The following DNAJC2 variants were observed in gnomAD, a reference collection of about 807,000 sequenced individuals.
DNAJC2 encodes dnaJ homolog subfamily C member 2.
A neutral mutation model predicts 94.0 loss-of-function variants in DNAJC2; 32 were observed. The observed-to-expected ratio is 0.34, with a 90% CI of 0.26 to 0.46. The LOEUF (loss-of-function observed/expected upper bound fraction) is 0.46, where lower values mean the gene tolerates loss of function less well. Among genes scored for constraint, DNAJC2 ranks in the 20% least tolerant of loss-of-function variants. The pLI, the probability that DNAJC2 is intolerant of heterozygous loss-of-function variation, is 1.00. For synonymous variants in DNAJC2, 210 were observed against 229.7 expected (o/e 0.91, Z 0.77); for missense variants, 550 against 719.5 (o/e 0.76, Z 2.69).
chr7:103,316,556 C>A, intron 13 of DNAJC2: 1 of 389,592 alleles, frequency 2.6e-6, no homozygotes, highest in Non-Finnish European at 4.6e-6. Context: ...TAGAACAAGC[C>A]ATGACAGAGT....
In DNAJC2 at chr7:103,341,840, G is replaced by A; in HGVS notation, c.179C>T (p.Ser60Phe). 1.2e-6 allele frequency: 2 copies of A among 1,612,162 alleles called. No individual in the cohort carries two copies. Among genetic ancestry groups the A allele is most frequent in the Admixed American group, 1.7e-5 (1 of 59,486 alleles). Residue 60 changes from serine to phenylalanine, a missense_variant, in exon 2 of 17, where the codon TCC becomes TTC. Ser to Phe is a radical substitution (Grantham distance 155). This residue lies in a region of DNAJC2 where 279 missense variants were observed against 416.9 expected (regional missense o/e 0.67). Coordinates refer to ENST00000379263, the MANE Select transcript of DNAJC2 (RefSeq NM_014377.3). Reference protein sequence around the residue: ...FQELEDKKELSEESEDEELQL... With the variant: ...FQELEDKKELFEESEDEELQL... ...CAATTCTTCATCTTCTGATTCCTCG[G>A]ATAACTCTTTCTTATCCTCCAGTTC...
chr7:103,336,512 T>G (rs1819181194), intron 3 of DNAJC2: 1 of 152,028 alleles, frequency 6.6e-6, no homozygotes, highest in Non-Finnish European at 1.5e-5. Flanking sequence ...CCCAGCTAAT[T>G]TTTTTGTATT....
At chr7:103,314,509 A>G in intron 15 of DNAJC2, 1 of 985,396 alleles carries the variant, frequency 1.0e-6, no homozygotes, top group Non-Finnish European at 1.2e-6. Flanking sequence ...CCTCCCTCCA[A>G]CATGGAAACA....
Position 103,322,990 on chromosome 7 carries a change from C to T in DNAJC2, c.720-196G>A, listed in dbSNP as rs146008393. Among the ~76,000 whole-genome samples the T allele has an allele frequency of 5.3e-3, 797 of 151,412 alleles. 20 individuals are homozygous for T. Among genetic ancestry groups the T allele is most frequent in the Admixed American group, 0.047 (715 of 15,212 alleles). On this transcript the variant is annotated intron_variant, in intron 7 of 16. Coordinates refer to ENST00000379263, the MANE Select transcript of DNAJC2 (RefSeq NM_014377.3). ...TGTCGCCCAGGCTGGAGTGCAATGGCGTGATTTTGGCTCATTGCAACCTCT... is the reference window on the plus strand; with the variant it reads ...TGTCGCCCAGGCTGGAGTGCAATGGTGTGATTTTGGCTCATTGCAACCTCT...
intron 16 of DNAJC2, 57 bp downstream of exon 16, chr7:103,312,890 A>AT: frequency 6.4e-7 from 1 of 1,571,254 alleles, no homozygotes; most frequent in Non-Finnish European, 8.6e-7. Context: ...AATATGAGCT[A>AT]TATCACCCAA....
At chr7:103,312,896 C>A in intron 16 of DNAJC2, 51 bp downstream of exon 16, 1 of 1,576,600 alleles carries the variant, frequency 6.3e-7, no homozygotes. Flanking sequence ...AGCTATATCA[C>A]CCAAGCTACA....
rs779423411 is a variant in DNAJC2, at chr7:103,313,089, T to C, written c.1649A>G (p.Asp550Gly). The change falls in exon 16 of 17, where the codon GAC becomes GGC. Residue 550 changes from aspartate (D) to glycine (G), a missense_variant. Asp to Gly is a moderately conservative substitution (Grantham distance 94, BLOSUM62 -1). Around this residue, in one of 2 missense-constraint regions of DNAJC2, gnomAD observed 271 missense variants for 302.6 expected, o/e 0.90. Coordinates refer to ENST00000379263, the MANE Select transcript of DNAJC2 (RefSeq NM_014377.3). ...TTCTTCTGTTGTCCAAGGGGTGAAG[T>C]CTGTATATGGACCTGATTAAGAAAA... ...PSERFEGPYT[D>G]FTPWTTEEQK... 5.0e-6 allele frequency: 8 copies of C among 1,612,842 alleles called. No homozygotes were observed. The East Asian group carries it at 1.1e-4, about 22-fold the overall frequency.
intron 1 of DNAJC2, 84 bp downstream of exon 1, chr7:103,344,475 A>T: frequency 6.7e-7 from 1 of 1,486,918 alleles, no homozygotes; most frequent in Non-Finnish European, 9.4e-7. Context: ...GGTCAAGGGT[A>T]GAGAGAGCCC....
chr7:103,323,717 C>A (rs1477410379), intron 6 of DNAJC2, 54 bp from the exon 7 acceptor site: 25 of 1,242,972 alleles, frequency 2.0e-5, no homozygotes, highest in Non-Finnish European at 2.7e-5. Flanking sequence ...AAAAAAAATT[C>A]TTTTTAATGC....
chr7:103,327,219 T>C, intron 4 of DNAJC2: 1 of 493,172 alleles, frequency 2.0e-6, no homozygotes, highest in Middle Eastern at 3.6e-4. Flanking sequence ...ATAATCAACT[T>C]CTTGATTTAA....
intron 5 of DNAJC2, among the ~76,000 whole-genome samples, chr7:103,325,249 G>C (rs952441926): frequency 2.0e-5 from 3 of 152,176 alleles, no homozygotes; most frequent in Non-Finnish European, 4.4e-5. Context: ...TTTGAGACCA[G>C]TCTGGCCAAT....
At position 103,319,606 on chromosome 7, in the gene DNAJC2, T is replaced by TA; in HGVS notation, c.1242+2dup. The TA allele has an allele frequency of 6.2e-7, 1 of 1,613,946 alleles. No homozygotes were observed. The highest frequency in any genetic ancestry group is 8.5e-7 in the Non-Finnish European group (1 of 1,179,842). ...AGGTAGGAGTGATGTGTTCCTCTAT[T>TA]ACCTGTTTTTCCAAAGCAGCCTTTC... On this transcript the variant is annotated splice_region_variant and intron_variant, in intron 12 of 16. Coordinates refer to ENST00000379263, the MANE Select transcript of DNAJC2 (RefSeq NM_014377.3).
chr7:103,329,364 C>T (rs1818872119), intron 3 of DNAJC2: 1 of 155,642 alleles, frequency 6.4e-6, no homozygotes, highest in Admixed American at 6.5e-5. Flanking sequence ...CAAGTCGGCT[C>T]TAGTCCAGAC....
chr7:103,313,738 C>A, intron 15 of DNAJC2: 1 of 985,112 alleles, frequency 1.0e-6, no homozygotes, highest in East Asian at 1.1e-4. Context: ...TTCAACTAAA[C>A]CTTGTATATT....
Position 103,344,712 on chromosome 7 carries a change from G to C in DNAJC2, c.-90C>G. The C allele has an allele frequency of 6.5e-6, 9 of 1,381,164 alleles. No individual in the cohort carries two copies. Among genetic ancestry groups the C allele is most frequent in the East Asian group, 4.6e-5 (2 of 43,420 alleles). The allele number at this position is 1,381,164 out of a possible 1,614,324, so 85.6% of individuals were successfully genotyped here. A position where few individuals can be genotyped will look rare whatever the true frequency, so the allele number is the denominator to read the frequency against. On this transcript the variant is annotated 5_prime_UTR_variant, in exon 1 of 17. Coordinates refer to ENST00000379263, the MANE Select transcript of DNAJC2 (RefSeq NM_014377.3). ...CCCCTCCAGCTCTACCTCTCACTCCGAGCCTCGCGCCTTGGCTCTAAGACG... is the reference window on the plus strand; with the variant it reads ...CCCCTCCAGCTCTACCTCTCACTCCCAGCCTCGCGCCTTGGCTCTAAGACG...
intron 15 of DNAJC2, chr7:103,314,374 G>C (rs561702396): frequency 1.0e-6 from 1 of 985,344 alleles, no homozygotes; most frequent in Non-Finnish European, 1.2e-6. Context: ...GAAGAGGAAG[G>C]AGCCTTCCCA....
rs1818777188 is a variant in DNAJC2, at chr7:103,327,643, A to G, written c.430+13T>C. The G allele has an allele frequency of 6.5e-7, 1 of 1,536,282 alleles. No individual in the cohort carries two copies. The highest frequency in any genetic ancestry group is 9.0e-7 in the Non-Finnish European group (1 of 1,116,882). On this transcript the variant is annotated intron_variant, in intron 4 of 16. Transcript: ENST00000379263. The stretch of plus-strand genomic sequence containing the variant: ...TACTATTAGAAATTCCTGACTCTAA[A>G]GCATTTTCTTACCTTTAGTTATGCA...
chr7:103,321,199 C>A (rs919024046), intron 10 of DNAJC2, among the ~76,000 whole-genome samples: 1 of 151,470 alleles, frequency 6.6e-6, no homozygotes, highest in African/African-American at 2.4e-5. Flanking sequence ...GCCTCAACAA[C>A]AACAATAACA....
At chr7:103,329,078 G>C in intron 3 of DNAJC2, 1 of 962,530 alleles carries the variant, frequency 1.0e-6, no homozygotes, top group South Asian at 1.6e-5. Context: ...GATTATCGCT[G>C]GTGGTCAACA....
Sources: allele counts gnomAD v4.1 joint callset (sites outside exome capture counted in the v4.1 genomes callset), GRCh38; gene constraint gnomAD v4.1.1; regional missense constraint gnomAD v4.1.1; transcripts MANE v1.5; gene names NCBI Gene and HGNC (gene_info 2026-07-23, HGNC 2026-07-21).